Variants in SLC6A7 observed in about 807,000 individuals in gnomAD.
The protein encoded by SLC6A7 is sodium-dependent proline transporter.
A neutral mutation model predicts 73.1 loss-of-function variants in SLC6A7; 58 were observed. The observed-to-expected ratio is 0.79, with a 90% CI of 0.64 to 0.99. SLC6A7 has a LOEUF of 0.99. SLC6A7 is among the 50% of genes least tolerant of loss of function. The pLI, the probability that SLC6A7 is intolerant of heterozygous loss-of-function variation, is 0.00. For synonymous variants in SLC6A7, 338 were observed against 338.7 expected (o/e 1.00, Z 0.02); for missense variants, 783 against 831.4 (o/e 0.94, Z 0.72).
chr5:150,193,834 C>T (rs945884702), intron 1 of SLC6A7, among the ~76,000 whole-genome samples: 1 of 152,226 alleles, frequency 6.6e-6, no homozygotes, highest in African/African-American at 2.4e-5. Context: ...AACTCCAGCA[C>T]TGGTGGGTGA....
intron 4 of SLC6A7, among the ~76,000 whole-genome samples, chr5:150,198,042 GAAGAAAGAGAAAGA>G (rs1282714973): frequency 9.8e-6 from 1 of 101,764 alleles, no homozygotes; most frequent in African/African-American, 4.1e-5. Context: ...GCCTTTAAAA[GAAGAAAGAGAAAGA>G]AAGAAAGAAA....
In SLC6A7 at chr5:150,191,477, T is replaced by C. The variant is rs372757161; in HGVS notation, c.33+1117T>C. ...ACGGAGTCTCGCTCTGTCACCCAGG[T>C]TGGAGTGCAGTGGTGTGATCTCGGC... On this transcript the variant is annotated intron_variant, in intron 1 of 13. Transcript: ENST00000230671. Among the ~76,000 whole-genome samples, 487 of 151,244 alleles carry C rather than the reference T, an allele frequency of 3.2e-3. 4 individuals carry two copies. The highest frequency in any genetic ancestry group is 0.011 in the African/African-American group (470 of 41,212).
At chr5:150,202,273 C>A in intron 6 of SLC6A7, 74 bp from the exon 7 acceptor site, 1 of 1,029,272 alleles carries the variant, frequency 9.7e-7, no homozygotes, top group Non-Finnish European at 1.5e-6. Flanking sequence ...GCTGTCACAC[C>A]ATCTTCATTC....
Position 150,201,130 on chromosome 5 carries a change from C to T in SLC6A7, c.765C>T (p.Leu255=), listed in dbSNP as rs767636295. 2.5e-6 allele frequency: 4 copies of T among 1,613,826 alleles called. No homozygotes were observed. The highest frequency in any genetic ancestry group is 2.7e-5 in the African/African-American group (2 of 74,918). ...FTATFPYLIL[L]MLLVRGVTLP... ...CCACGTTCCCCTACCTCATCCTGCTCATGCTGCTGGTCCGCGGAGTCACCC... is the reference window on the plus strand; with the variant it reads ...CCACGTTCCCCTACCTCATCCTGCTTATGCTGCTGGTCCGCGGAGTCACCC... Residue 255 remains leucine (L), a synonymous_variant, in exon 6 of 14, where the codon CTC becomes CTT. Transcript: ENST00000230671.
chr5:150,196,708 C>T lies in SLC6A7; in HGVS notation c.218-8C>T, dbSNP rs1342977740. 2 of 1,611,892 alleles carry T rather than the reference C, an allele frequency of 1.2e-6. No homozygotes were observed. Among genetic ancestry groups the T allele is most frequent in the Admixed American group, 3.3e-5 (2 of 59,898 alleles). Reference sequence around the variant, plus strand: ...CAAGGCCCTTGCTGACCACCCCGCTCCCGGCAGGCGCCTTCCTCGTGCCCT... The same window carrying T: ...CAAGGCCCTTGCTGACCACCCCGCTTCCGGCAGGCGCCTTCCTCGTGCCCT... On this transcript the variant is annotated splice_region_variant and splice_polypyrimidine_tract_variant and intron_variant, in intron 2 of 13. Transcript: ENST00000230671.
rs750296750 is a variant in SLC6A7 at position 150,196,766 on chromosome 5, C to T, written c.268C>T (p.Leu90Phe). The T allele has an allele frequency of 6.2e-7, 1 of 1,614,114 alleles. No individual in the cohort carries two copies. Among genetic ancestry groups the T allele is most frequent in the Non-Finnish European group, 8.5e-7 (1 of 1,179,948 alleles). The change falls in exon 3 of 14, where the codon CTC becomes TTC. Residue 90 changes from leucine to phenylalanine, a missense_variant. Leu to Phe is a conservative substitution (Grantham distance 22, BLOSUM62 0). Coordinates refer to ENST00000230671, the MANE Select transcript of SLC6A7 (RefSeq NM_014228.5). Reference protein sequence around the residue: ...FLMLAICGIPLFFLELSLGQF... With the variant: ...FLMLAICGIPFFFLELSLGQF... ...CATGCTGGCCATCTGTGGCATCCCC[C>T]TCTTCTTCCTGGAGCTCTCCCTGGG...
At chr5:150,206,748 C>T (rs2270148) in intron 13 of SLC6A7, among the ~76,000 whole-genome samples, 109,577 of 152,148 alleles carry the variant, frequency 0.72, 39,840 homozygotes, top group Non-Finnish European at 0.78. Context: ...TCCACCTCTG[C>T]TCCTTGCTTG....
chr5:150,194,638 C>T (rs1752930595), intron 1 of SLC6A7, 90 bp from the exon 2 acceptor site: 2 of 895,438 alleles, frequency 2.2e-6, no homozygotes, highest in Non-Finnish European at 3.6e-6. Context: ...TTCATTTAGC[C>T]CTGTTCAATT....
intron 1 of SLC6A7, among the ~76,000 whole-genome samples, chr5:150,193,670 C>A (rs750901674): frequency 5.3e-5 from 8 of 152,180 alleles, no homozygotes; most frequent in Admixed American, 5.2e-4. Flanking sequence ...CCTCCAAGTC[C>A]TCTCCTTTCT....
chr5:150,200,585 G>T lies in SLC6A7; in HGVS notation c.724-504G>T, dbSNP rs141258495. Among the ~76,000 whole-genome samples, 1,123 of 152,296 alleles carry T rather than the reference G, an allele frequency of 7.4e-3. 23 individuals are homozygous for T. The highest frequency in any genetic ancestry group is 0.026 in the African/African-American group (1,067 of 41,554). On this transcript the variant is annotated intron_variant, in intron 5 of 13. Coordinates refer to ENST00000230671, the MANE Select transcript of SLC6A7 (RefSeq NM_014228.5). ...CTTGTTTCCTCTGCAAGGTGCAGAC[G>T]ATACCAGAAGTATCATTTACAAGGA...
intron 5 of SLC6A7, among the ~76,000 whole-genome samples, 172 bp downstream of exon 5, chr5:150,199,538 G>A (rs1011448455): frequency 1.3e-5 from 2 of 152,202 alleles, no homozygotes; most frequent in African/African-American, 2.4e-5. Flanking sequence ...AGACATGGAG[G>A]TGAGGACGCA....
rs142726824 is a variant in SLC6A7, at chr5:150,209,023, G to A, written c.1702-383G>A. 4.3e-3 allele frequency among the ~76,000 whole-genome samples: 657 copies of A among 152,326 alleles called. 7 individuals carry two copies. Among genetic ancestry groups the A allele is most frequent in the African/African-American group, 0.015 (613 of 41,578 alleles). On this transcript the variant is annotated intron_variant, in intron 13 of 13. Transcript: ENST00000230671. The stretch of plus-strand genomic sequence containing the variant: ...ATTCAGACACTCTGAGGAGGGGCCC[G>A]CCGCGTAATTATAGCAACAGCCGCC...
chr5:150,208,997 C>T (rs977022044), intron 13 of SLC6A7, among the ~76,000 whole-genome samples: 1 of 152,238 alleles, frequency 6.6e-6, no homozygotes, highest in African/African-American at 2.4e-5. Flanking sequence ...CCCGGATTGG[C>T]ATTCAGACAC....
chr5:150,203,675 C>CCT lies in SLC6A7; in HGVS notation c.1096_1097insCT (p.Leu366ProfsTer11). 6.2e-7 allele frequency: 1 copy of CCT among 1,603,260 alleles called. No homozygotes were observed. Among genetic ancestry groups the CCT allele is most frequent in the East Asian group, 2.2e-5 (1 of 44,816 alleles). On this transcript the variant is annotated frameshift_variant, in exon 9 of 14. Transcript: ENST00000230671. LOFTEE classifies it high-confidence loss of function. ...GTGTGCCCCTGGCCCAGGCCCTGGCCTGGCCTTTGTCGTCTACCCACAGGC... is the reference window on the plus strand; with the variant it reads ...GTGTGCCCCTGGCCCAGGCCCTGGCCCTTGGCCTTTGTCGTCTACCCACAGGC...
chr5:150,193,411 T>C (rs1186097877), intron 1 of SLC6A7, among the ~76,000 whole-genome samples: 1 of 152,210 alleles, frequency 6.6e-6, no homozygotes, highest in East Asian at 1.9e-4. Context: ...AAGTACCTTC[T>C]TCCTGCTCAT....
At chr5:150,208,118 A>G (rs1408000611) in intron 13 of SLC6A7, among the ~76,000 whole-genome samples, 1 of 151,994 alleles carries the variant, frequency 6.6e-6, no homozygotes, top group Non-Finnish European at 1.5e-5. Context: ...AACAAACCTA[A>G]GTCCTTGTTC....
chr5:150,197,950 T>G (rs993853655), intron 4 of SLC6A7, among the ~76,000 whole-genome samples: 18 of 152,016 alleles, frequency 1.2e-4, no homozygotes, highest in Middle Eastern at 6.8e-3. Context: ...GAATGGTGGG[T>G]GTCGGAAGGA....
chr5:150,205,858 A>G (rs4705427), intron 13 of SLC6A7, among the ~76,000 whole-genome samples: 120,428 of 152,094 alleles, frequency 0.79, 48,114 homozygotes, highest in African/African-American at 0.87. Flanking sequence ...GTTAACCAGG[A>G]ACTGGCCCCA....
At chr5:150,205,887 G>A (rs1409092168) in intron 13 of SLC6A7, among the ~76,000 whole-genome samples, 1 of 152,128 alleles carries the variant, frequency 6.6e-6, no homozygotes, top group African/African-American at 2.4e-5. Context: ...CGTGGGTTGG[G>A]GGTGTGTCAG....
Sources: allele counts gnomAD v4.1 joint callset (sites outside exome capture counted in the v4.1 genomes callset), GRCh38; gene constraint gnomAD v4.1.1; transcripts MANE v1.5; gene names NCBI Gene and HGNC (gene_info 2026-07-23, HGNC 2026-07-21).